Variants in C11orf65 observed in about 807,000 individuals in gnomAD.
The protein encoded by C11orf65 is chromosome 11 open reading frame 65.
Under a neutral mutation model 35.3 loss-of-function variants are expected in C11orf65, and 38 were observed. The observed-to-expected ratio is 1.08, with a 90% CI of 0.83 to 1.41. The LOEUF (loss-of-function observed/expected upper bound fraction) is 1.41, where lower values mean the gene tolerates loss of function less well. Ranked by LOEUF, C11orf65 falls within the 40% of genes most tolerant of loss-of-function variation. The pLI is 0.00. For synonymous variants in C11orf65, 105 were observed against 114.4 expected (o/e 0.92, Z 0.53); for missense variants, 370 against 367.1 (o/e 1.01, Z -0.06).
chr11:108,316,373 G>T (rs1459558746), intron 6 of C11orf65, among the ~76,000 whole-genome samples: 4 of 149,258 alleles, frequency 2.7e-5, no homozygotes, highest in Non-Finnish European at 6.0e-5. Flanking sequence ...TGATCATAGT[G>T]TTGTTGGATA....
upstream of C11orf65, among the ~76,000 whole-genome samples, chr11:108,468,967 C>A (rs1429145682): frequency 1.3e-5 from 2 of 152,130 alleles, no homozygotes; most frequent in Non-Finnish European, 1.5e-5. Context: ...AGCCCAGCCT[C>A]CCAAGTAGCT....
intron 2 of C11orf65, among the ~76,000 whole-genome samples, chr11:108,433,928 T>G (rs968479519): frequency 6.6e-6 from 1 of 152,126 alleles, no homozygotes; most frequent in African/African-American, 2.4e-5. Flanking sequence ...TGGTGATTGA[T>G]GGATGGTTTG....
rs4988135 is a variant in C11orf65, at chr11:108,334,838, T to C, written c.299+382A>G. On this transcript the variant is annotated intron_variant, in intron 3 of 3. Transcript: ENST00000524755. ...AGCCACCACACCCGGCCTAAAGTTG[T>C]AGTTCTTAACCACTATCACATCGTC... 11,793 of 1,084,940 alleles carry C rather than the reference T, an allele frequency of 0.011. 89 individuals carry two copies. Among genetic ancestry groups the C allele is most frequent in the Middle Eastern group, 0.019 (67 of 3,526 alleles). 67.2% of individuals were successfully genotyped at this position (1,084,940 alleles called of 1,614,324 possible).
intron 3 of C11orf65, among the ~76,000 whole-genome samples, chr11:108,424,104 C>A (rs750363769): frequency 6.6e-6 from 1 of 152,244 alleles, no homozygotes; most frequent in Admixed American, 6.5e-5. Context: ...ATAACAAACT[C>A]CTCCGAGCTA....
At position 108,310,815 on chromosome 11, in the gene C11orf65, T is replaced by G. The variant is rs184838931; in HGVS notation, c.641-1744A>C. 7.5e-4 allele frequency among the ~76,000 whole-genome samples: 115 copies of G among 152,318 alleles called. No individual in the cohort carries two copies. The highest frequency in any genetic ancestry group is 2.5e-3 in the African/African-American group (104 of 41,566). The stretch of plus-strand genomic sequence containing the variant: ...TTTCATTTCTTTATCTACCTATATT[T>G]CTAGTGAATTTAATTCGCTTTCCTC... On this transcript the variant is annotated intron_variant, in intron 6 of 6. Transcript: ENST00000525729.
intron 2 of C11orf65, chr11:108,365,190 G>A (rs863224582): frequency 6.2e-7 from 1 of 1,614,216 alleles, no homozygotes; most frequent in Non-Finnish European, 8.5e-7. Context: ...TCTGAATGCA[G>A]ATGACCAAGA....
Position 108,407,030 on chromosome 11 carries a change from T to C in C11orf65, c.228+66A>G, listed in dbSNP as rs2092554111. ...CAAAAATGTTTTACATTTTGAAAAA[T>C]TACATTGTTTCAATTTCATAAAAAT... On this transcript the variant is annotated intron_variant, in intron 4 of 8. Coordinates refer to ENST00000393084, the MANE Select transcript of C11orf65 (RefSeq NM_152587.5). 2.5e-6 allele frequency: 4 copies of C among 1,571,838 alleles called. No homozygotes were observed. In the South Asian group the frequency reaches 3.4e-5, roughly 13 times the overall value.
intron 6 of C11orf65, among the ~76,000 whole-genome samples, chr11:108,309,966 A>G (rs1431326714): frequency 1.3e-5 from 2 of 152,162 alleles, no homozygotes; most frequent in Non-Finnish European, 2.9e-5. Flanking sequence ...GAAAAACCAA[A>G]AAGATTAATT....
At chr11:108,334,024 A>T (rs1032067628) in intron 3 of C11orf65, 7 of 1,347,168 alleles carry the variant, frequency 5.2e-6, no homozygotes, top group Non-Finnish European at 7.4e-6. Flanking sequence ...TATTAGATTG[A>T]ACCATTTGAA....
chr11:108,453,215 T>C (rs1253126223), intron 2 of C11orf65, among the ~76,000 whole-genome samples: 4 of 99,936 alleles, frequency 4.0e-5, no homozygotes, highest in Non-Finnish European at 4.3e-5. Flanking sequence ...ACAGGAGAAA[T>C]AGAAAACAAC....
At chr11:108,344,815 G>A (rs921120813) in intron 2 of C11orf65, among the ~76,000 whole-genome samples, 2 of 151,906 alleles carry the variant, frequency 1.3e-5, no homozygotes, top group Non-Finnish European at 2.9e-5. Flanking sequence ...ACCAGCCTGG[G>A]AAACATAGTG....
intron 2 of C11orf65, among the ~76,000 whole-genome samples, chr11:108,441,697 A>G (rs1479459015): frequency 6.6e-6 from 1 of 152,218 alleles, no homozygotes; most frequent in Non-Finnish European, 1.5e-5. Context: ...CGCTGGTGAT[A>G]CCCAGGCAAA....
At chr11:108,328,993 A>G (rs2136408120), downstream of C11orf65, 3 of 1,581,338 alleles carry the variant, frequency 1.9e-6, no homozygotes, top group Non-Finnish European at 2.6e-6. Flanking sequence ...TTGTAAATAT[A>G]ATTTAAATTG....
At chr11:108,367,313 G>A (rs534103270) in intron 2 of C11orf65, 1 of 183,112 alleles carries the variant, frequency 5.5e-6, no homozygotes, top group African/African-American at 2.3e-5. Flanking sequence ...TGACCGTAAG[G>A]ATTTCCCCTT....
chr11:108,421,613 G>A (rs368450415), intron 3 of C11orf65, among the ~76,000 whole-genome samples: 59 of 152,190 alleles, frequency 3.9e-4, no homozygotes, highest in African/African-American at 1.0e-3. Flanking sequence ...AGCCGAGATC[G>A]TGCCACTGCA....
intron 2 of C11orf65, chr11:108,355,092 G>A: frequency 1.8e-6 from 1 of 566,770 alleles, no homozygotes; most frequent in South Asian, 2.1e-5. Context: ...TGGAATGTTA[G>A]AGCATTGTAA....
intron 2 of C11orf65, among the ~76,000 whole-genome samples, chr11:108,370,934 T>C (rs1032170136): frequency 6.6e-6 from 1 of 152,106 alleles, no homozygotes; most frequent in Non-Finnish European, 1.5e-5. Flanking sequence ...CTTTTTGTTT[T>C]CCCAAATTTT....
downstream of C11orf65, among the ~76,000 whole-genome samples, chr11:108,330,645 C>G (rs114421859): frequency 3.0e-3 from 458 of 152,272 alleles, no homozygotes; most frequent in African/African-American, 0.011. Flanking sequence ...TATAAGCTGA[C>G]AAGCTGTAAA....
chr11:108,394,758 T>C (rs1283554648), intron 6 of C11orf65, among the ~76,000 whole-genome samples: 1 of 152,208 alleles, frequency 6.6e-6, no homozygotes, highest in Non-Finnish European at 1.5e-5. Flanking sequence ...TCGAATTATC[T>C]GGATGTGAAT....
Sources: gnomAD v4.1 joint callset for allele counts (sites outside exome capture counted in the v4.1 genomes callset) on GRCh38, gnomAD v4.1.1 for gene constraint, MANE v1.5 for transcripts, NCBI Gene and HGNC (gene_info 2026-07-23, HGNC 2026-07-21) for gene names.